HMGB3: variants seen among roughly 807,000 people sequenced by gnomAD.
HMGB3 encodes high mobility group protein B3.
HMGB3 carries 1 observed loss-of-function variant against 12.9 expected under a neutral mutation model. The ratio of observed to expected loss-of-function variants is 0.08; its 90% CI spans 0.03 to 0.37. The LOEUF (loss-of-function observed/expected upper bound fraction) is 0.37. Among genes scored for constraint, HMGB3 ranks in the 10% least tolerant of loss-of-function variants. The pLI, the probability that HMGB3 is intolerant of heterozygous loss-of-function variation, is 0.99. For missense variants in HMGB3, 74 were observed against 153.3 expected (o/e 0.48, Z 2.73); for synonymous variants, 61 against 53.9 (o/e 1.13, Z -0.57).
In HMGB3 at chrX:150,990,608, C is replaced by G. The variant is rs1334338499; in HGVS notation, c.*2694C>G. 9.1e-6 allele frequency: 1 copy of G among 110,281 alleles called. No individual in the cohort carries two copies. The highest frequency in any genetic ancestry group is 9.7e-5 in the Admixed American group (1 of 10,333). The allele number at this position is 110,281 out of a possible 1,213,427, so 9.1% of individuals were successfully genotyped here. ...GTACCTACTCCCTCTAACCACCTCA[C>G]CCCATTCTTGAATGACATTTTATCC... On this transcript the variant is annotated 3_prime_UTR_variant, in exon 5 of 5. Transcript: ENST00000325307.
chrX:150,980,978 C>T (rs189027526), upstream of HMGB3, among the ~76,000 whole-genome samples: 13 of 112,308 alleles, frequency 1.2e-4, no homozygotes, highest in Non-Finnish European at 7.5e-5. Context: ...TGGACCCCAA[C>T]TTGAATCTCT....
chrX:150,983,476 C>T, intron 1 of HMGB3, 100 bp downstream of exon 1: 1 of 747,887 alleles, frequency 1.3e-6, no homozygotes, highest in Non-Finnish European at 1.6e-6. Context: ...ACTTTCCGGC[C>T]CGCGCCGCCG....
intron 3 of HMGB3, among the ~76,000 whole-genome samples, chrX:150,986,544 C>T (rs1557425236): frequency 1.9e-5 from 2 of 106,366 alleles, no homozygotes; most frequent in Non-Finnish European, 3.9e-5. Context: ...TATATATATG[C>T]GCGTATATAT....
At chrX:150,986,262 G>A (rs1557425235) in intron 3 of HMGB3, 72 bp downstream of exon 3, 3 of 840,826 alleles carry the variant, frequency 3.6e-6, no homozygotes, top group Admixed American at 3.9e-5. Context: ...TTTTTTGGTC[G>A]TCCTGTATTT....
chrX:150,981,385 T>A (rs1003740428), upstream of HMGB3, among the ~76,000 whole-genome samples: 2 of 107,301 alleles, frequency 1.9e-5, no homozygotes, highest in Non-Finnish European at 3.8e-5. Flanking sequence ...GAGGTGGCCT[T>A]AAGATCTCTG....
chrX:150,983,231 C>A, upstream of HMGB3: 1 of 712,784 alleles, frequency 1.4e-6, no homozygotes, highest in African/African-American at 2.3e-5. Context: ...ATGAGGCCCG[C>A]AGCCAATGGC....
upstream of HMGB3, chrX:150,980,617 C>G: frequency 1.3e-6 from 1 of 749,818 alleles, no homozygotes; most frequent in Non-Finnish European, 1.6e-6. Context: ...ACTTCCTGCG[C>G]GTAAGCGCAA....
Position 150,983,380 on chromosome X carries a change from C to A in HMGB3, c.-6+4C>A. 1.3e-6 allele frequency: 1 copy of A among 759,055 alleles called. No individual in the cohort carries two copies. Among genetic ancestry groups the A allele is most frequent in the Non-Finnish European group, 1.5e-6 (1 of 645,561 alleles). The allele number at this position is 759,055 out of a possible 1,213,427, so 62.6% of individuals were successfully genotyped here. A position where few individuals can be genotyped will look rare whatever the true frequency, so the allele number is the denominator to read the frequency against. On this transcript the variant is annotated splice_donor_region_variant and intron_variant, in intron 1 of 4. Coordinates refer to ENST00000325307, the MANE Select transcript of HMGB3 (RefSeq NM_005342.4). ...CCCAGACTAGCGAACAATACAGGTA[C>A]GTCTCGCACCGCCCGCTCCCGCCGC...
rs150638510 is a variant in HMGB3 at position 150,987,790 on chromosome X, A to G, written c.479A>G (p.Tyr160Cys). ...KEKYEKDVAD[Y>C]KSKGKFDGAK... Reference sequence around the variant, plus strand: ...CTGTTCCTCTAGGATGTTGCTGACTATAAGTCGAAAGGAAAGTTTGATGGT... The same window carrying G: ...CTGTTCCTCTAGGATGTTGCTGACTGTAAGTCGAAAGGAAAGTTTGATGGT... Residue 160 changes from tyrosine to cysteine, a missense_variant, in exon 5 of 5, where the codon TAT becomes TGT. Physicochemically the swap from Tyr to Cys is radical, Grantham distance 194. Transcript: ENST00000325307. 1 of 1,206,463 alleles carries G rather than the reference A, an allele frequency of 8.3e-7. No homozygotes were observed.
At chrX:150,984,944 T>A (rs999372926) in intron 1 of HMGB3, among the ~76,000 whole-genome samples, 2 of 112,226 alleles carry the variant, frequency 1.8e-5, no homozygotes, top group Non-Finnish European at 1.9e-5. Flanking sequence ...TGAGCACGAC[T>A]AGCCCTTTTT....
At chrX:150,985,906 T>C in intron 2 of HMGB3, 145 bp from the exon 3 acceptor site, 6 of 834,301 alleles carry the variant, frequency 7.2e-6, no homozygotes, top group Non-Finnish European at 1.0e-5. Context: ...TGTGTGCTTT[T>C]ATTTTTTTAA....
upstream of HMGB3, among the ~76,000 whole-genome samples, chrX:150,982,724 G>A (rs1471970124): frequency 4.4e-5 from 5 of 113,436 alleles, no homozygotes; most frequent in African/African-American, 1.6e-4. Context: ...AGCGGAATCA[G>A]GTGGCTTTCG....
At position 150,984,663 on chromosome X, in the gene HMGB3, C is replaced by A. The variant is rs190762747; in HGVS notation, c.-5-932C>A. ...TGTCCCGGTGACCCGGCACGGGGGC[C>A]GAGGCGGGCTGCCTGCTGCCGGCCG... On this transcript the variant is annotated intron_variant, in intron 1 of 4. Transcript: ENST00000325307. The A allele has an allele frequency of 1.5e-3, 853 of 561,341 alleles. 4 individuals carry two copies. In the African/African-American group the frequency reaches 0.02, roughly 13 times the overall value. The allele number at this position is 561,341 out of a possible 1,213,427, so 46.3% of individuals were successfully genotyped here. A position where few individuals can be genotyped will look rare whatever the true frequency, so the allele number is the denominator to read the frequency against.
At chrX:150,984,093 C>G (rs1557425166) in intron 1 of HMGB3, among the ~76,000 whole-genome samples, 1 of 99,718 alleles carries the variant, frequency 1.0e-5, no homozygotes, top group Admixed American at 1.0e-4. Flanking sequence ...TGGCCTCCGG[C>G]GAGGGCAGGG....
chrX:150,984,211 C>G (rs1429462330), intron 1 of HMGB3, among the ~76,000 whole-genome samples: 1 of 96,025 alleles, frequency 1.0e-5, no homozygotes, highest in African/African-American at 3.7e-5. Context: ...GCTGCGGGCC[C>G]TGGAGCGGCC....
At chrX:150,983,556 TC>T in intron 1 of HMGB3, 180 bp downstream of exon 1, 1 of 746,686 alleles carries the variant, frequency 1.3e-6, no homozygotes, top group Non-Finnish European at 1.6e-6. Context: ...CCGCCTTCCC[TC>T]CTGCTAGGCG....
chrX:150,983,221 A>G, upstream of HMGB3: 1 of 689,520 alleles, frequency 1.5e-6, no homozygotes, highest in Non-Finnish European at 1.7e-6. Context: ...CTTAATATGC[A>G]TGAGGCCCGC....
intron 1 of HMGB3, 134 bp from the exon 2 acceptor site, chrX:150,985,461 C>T (rs1239866636): frequency 5.0e-6 from 2 of 400,882 alleles, no homozygotes; most frequent in Admixed American, 9.1e-5. Context: ...CACTGGTGTC[C>T]GGCATTGGGG....
intron 2 of HMGB3, 104 bp from the exon 3 acceptor site, chrX:150,985,947 C>T: frequency 1.1e-6 from 1 of 928,187 alleles, no homozygotes; most frequent in Non-Finnish European, 1.5e-6. Flanking sequence ...CCTTTACCTA[C>T]CCCCTTTTGC....
Sources: gnomAD v4.1 joint callset for allele counts (sites outside exome capture counted in the v4.1 genomes callset) on GRCh38, gnomAD v4.1.1 for gene constraint, MANE v1.5 for transcripts, NCBI Gene and HGNC (gene_info 2026-07-23, HGNC 2026-07-21) for gene names.